Variants in ANKRD27 observed in about 807,000 individuals in gnomAD.
ANKRD27 encodes ankyrin repeat domain 27, also known as ankyrin repeat domain-containing protein 27.
In ANKRD27, 112 loss-of-function variants were observed where a neutral mutation model predicts 129.7. The observed-to-expected ratio is 0.86, with a 90% CI of 0.74 to 1.01. The LOEUF is 1.01. Among genes scored for constraint, ANKRD27 ranks in the 50% least tolerant of loss-of-function variants. The pLI, the probability that ANKRD27 is intolerant of heterozygous loss-of-function variation, is 0.00. For synonymous variants in ANKRD27, 516 were observed against 511.2 expected, an observed-to-expected ratio of 1.01 and a Z score of -0.13; for missense variants, 1,258 against 1,300.5, an observed-to-expected ratio of 0.97 and a Z score of 0.50.
rs551577008 is a variant in ANKRD27 at position 32,640,632 on chromosome 19, C to T, written c.905-247G>A. On this transcript the variant is annotated intron_variant, in intron 10 of 28. Transcript: ENST00000306065. Reference sequence around the variant, plus strand: ...TATTAGTAACTCTAGCCAGATACGGCAGCACGTGCCTGTAATCCCAGTGCT... The same window carrying T: ...TATTAGTAACTCTAGCCAGATACGGTAGCACGTGCCTGTAATCCCAGTGCT... 5.3e-5 allele frequency among the ~76,000 whole-genome samples: 8 copies of T among 152,278 alleles called. No individual in the cohort carries two copies. The East Asian group carries it at 1.2e-3, about 22-fold the overall frequency.
At chr19:32,635,077 T>C (rs1967065317) in intron 12 of ANKRD27, among the ~76,000 whole-genome samples, 1 of 152,114 alleles carries the variant, frequency 6.6e-6, no homozygotes, top group African/African-American at 2.4e-5. Flanking sequence ...TACAACCTGG[T>C]GAAGGCCTCC....
chr19:32,644,023 T>G (rs917707571), intron 5 of ANKRD27, among the ~76,000 whole-genome samples: 1 of 152,002 alleles, frequency 6.6e-6, no homozygotes, highest in Non-Finnish European at 1.5e-5. Flanking sequence ...TACACGTGCA[T>G]GCCACCATGC....
intron 16 of ANKRD27, among the ~76,000 whole-genome samples, 179 bp from the exon 17 acceptor site, chr19:32,626,145 G>T (rs1250336774): frequency 6.6e-6 from 1 of 152,106 alleles, no homozygotes; most frequent in African/African-American, 2.4e-5. Flanking sequence ...AAAGTCTAAA[G>T]CCCCACCTTT....
chr19:32,643,259 T>A, intron 8 of ANKRD27, 28 bp downstream of exon 8: 1 of 1,614,032 alleles, frequency 6.2e-7, no homozygotes, highest in East Asian at 2.2e-5. Flanking sequence ...AAGGCTTCCA[T>A]CTTGGGTGAT....
intron 12 of ANKRD27, among the ~76,000 whole-genome samples, chr19:32,634,404 C>A (rs746503322): frequency 1.3e-5 from 2 of 152,206 alleles, no homozygotes; most frequent in Non-Finnish European, 1.5e-5. Context: ...GGCTTCACAG[C>A]CAGCCGTGAG....
intron 1 of ANKRD27, among the ~76,000 whole-genome samples, chr19:32,663,884 G>A (rs1373061380): frequency 1.3e-5 from 2 of 151,190 alleles, no homozygotes; most frequent in Non-Finnish European, 2.9e-5. Context: ...GTGAAACCCC[G>A]TCTCTACTAA....
intron 20 of ANKRD27, 120 bp from the exon 21 acceptor site, chr19:32,617,753 G>GTTTT (rs375079407): frequency 1.5e-4 from 44 of 297,016 alleles, no homozygotes; most frequent in East Asian, 5.6e-4. Context: ...GTCTGATTTA[G>GTTTT]TTTTTTTTTT....
intron 1 of ANKRD27, among the ~76,000 whole-genome samples, chr19:32,670,236 G>A (rs1429935792): frequency 6.6e-6 from 1 of 152,178 alleles, no homozygotes; most frequent in Admixed American, 6.5e-5. Context: ...CAAGTCATCT[G>A]CTTTATCTTG....
At chr19:32,636,729 A>C (rs566701813) in intron 12 of ANKRD27, among the ~76,000 whole-genome samples, 8,282 of 135,380 alleles carry the variant, frequency 0.061, 787 homozygotes, top group African/African-American at 0.23. Context: ...CTCTCTATAT[A>C]TATATATATA....
chr19:32,653,582 A>G (rs1408042778), intron 2 of ANKRD27, among the ~76,000 whole-genome samples: 1 of 152,064 alleles, frequency 6.6e-6, no homozygotes, highest in Non-Finnish European at 1.5e-5. Flanking sequence ...TCTGAAATTG[A>G]AATTTGAAAT....
intron 11 of ANKRD27, 121 bp from the exon 12 acceptor site, chr19:32,639,609 C>T (rs533635881): frequency 1.4e-5 from 14 of 988,700 alleles, no homozygotes; most frequent in African/African-American, 3.2e-5. Flanking sequence ...CAGGAAGCTA[C>T]GACCACCATC....
intron 21 of ANKRD27, among the ~76,000 whole-genome samples, chr19:32,617,374 T>G (rs571897608): frequency 6.6e-6 from 1 of 151,990 alleles, no homozygotes; most frequent in African/African-American, 2.4e-5. Context: ...CAAGACCTTA[T>G]CTCTACAAAA....
chr19:32,637,051 C>T (rs759207216), intron 12 of ANKRD27, among the ~76,000 whole-genome samples: 1 of 152,102 alleles, frequency 6.6e-6, no homozygotes, highest in Non-Finnish European at 1.5e-5. Flanking sequence ...CCCGGCCCAG[C>T]ACACAATATA....
chr19:32,665,214 A>C (rs1306143047), intron 1 of ANKRD27, among the ~76,000 whole-genome samples: 1 of 152,006 alleles, frequency 6.6e-6, no homozygotes, highest in Admixed American at 6.6e-5. Context: ...ACAATATCAA[A>C]TGAATCAGAA....
intron 28 of ANKRD27, among the ~76,000 whole-genome samples, chr19:32,598,869 C>G (rs1004924079): frequency 1.3e-5 from 2 of 152,104 alleles, no homozygotes; most frequent in South Asian, 2.1e-4. Context: ...GTATTTGTTC[C>G]AACAAGCCTA....
chr19:32,669,058 C>T (rs956680676), intron 1 of ANKRD27, among the ~76,000 whole-genome samples: 4 of 152,138 alleles, frequency 2.6e-5, no homozygotes, highest in South Asian at 4.1e-4. Flanking sequence ...GTAATCCTCC[C>T]GCCTCAGCCT....
chr19:32,673,472 A>AGGTGAGCCC, intron 1 of ANKRD27: 2 of 985,256 alleles, frequency 2.0e-6, no homozygotes, highest in Non-Finnish European at 1.2e-6. Context: ...ACTCCCCACC[A>AGGTGAGCCC]GGTGAGCCCT....
chr19:32,628,903 G>C (rs753590059), intron 13 of ANKRD27, 54 bp from the exon 14 acceptor site: 56 of 1,598,576 alleles, frequency 3.5e-5, no homozygotes, highest in Non-Finnish European at 4.6e-5. Context: ...TCAATTATTA[G>C]GAGTAAATTT....
intron 24 of ANKRD27, among the ~76,000 whole-genome samples, 181 bp downstream of exon 24, chr19:32,605,654 C>A (rs1450302677): frequency 6.6e-6 from 1 of 152,198 alleles, no homozygotes; most frequent in Non-Finnish European, 1.5e-5. Flanking sequence ...TGCTGGGGCA[C>A]CATCTGTTCC....
Sources: allele counts gnomAD v4.1 joint callset (sites outside exome capture counted in the v4.1 genomes callset), GRCh38; gene constraint gnomAD v4.1.1; transcripts MANE v1.5; gene names NCBI Gene and HGNC (gene_info 2026-07-23, HGNC 2026-07-21).